PDE8B: variants seen among roughly 807,000 people sequenced by gnomAD.
PDE8B encodes phosphodiesterase 8B.
A neutral mutation model predicts 101.3 loss-of-function variants in PDE8B; 26 were observed. The ratio of observed to expected loss-of-function variants is 0.26; its 90% CI spans 0.19 to 0.36. The LOEUF (loss-of-function observed/expected upper bound fraction) is 0.36, where lower values mean the gene tolerates loss of function less well. Among genes scored for constraint, PDE8B ranks in the 10% least tolerant of loss-of-function variants. The probability of loss-of-function intolerance (pLI) is 1.00; values close to 1 mark genes in which losing one functional copy is unlikely to be tolerated. For synonymous variants in PDE8B, 424 were observed against 429.3 expected (o/e 0.99, Z 0.15); for missense variants, 810 against 1,163.1 (o/e 0.70, Z 4.42).
intron 1 of PDE8B, chr5:77,290,922 A>G (rs1767174076): frequency 1.9e-6 from 3 of 1,608,466 alleles, no homozygotes; most frequent in Non-Finnish European, 2.6e-6. Flanking sequence ...GCTTGGTGCA[A>G]TTTGTTCCTT....
At chr5:77,088,866 G>A in the PDE8B span, 1 of 152,220 alleles carries the variant, frequency 6.6e-6, no homozygotes, top group African/African-American at 2.4e-5. Flanking sequence ...CAGGCTTGAG[G>A]GTGGGGCCTT....
intron 10 of PDE8B, among the ~76,000 whole-genome samples, chr5:77,365,296 G>A (rs1295475369): frequency 1.3e-5 from 2 of 152,184 alleles, no homozygotes; most frequent in Non-Finnish European, 2.9e-5. Flanking sequence ...GGATTCTGAT[G>A]TACTGCTGAG....
At chr5:77,403,772 A>G (rs1243968477) in intron 11 of PDE8B, among the ~76,000 whole-genome samples, 1 of 151,966 alleles carries the variant, frequency 6.6e-6, no homozygotes, top group African/African-American at 2.4e-5. Context: ...TACTAGTTCA[A>G]TAGTTCCCCC....
intron 9 of PDE8B, among the ~76,000 whole-genome samples, chr5:77,352,856 C>G (rs922356567): frequency 6.6e-6 from 1 of 152,052 alleles, no homozygotes; most frequent in Non-Finnish European, 1.5e-5. Flanking sequence ...CAGTCCATGA[C>G]GTTGAAATGA....
rs137952315 is a variant in PDE8B at position 77,266,296 on chromosome 5, C to T, written c.340-45698C>T. 2.3e-3 allele frequency among the ~76,000 whole-genome samples: 343 copies of T among 152,320 alleles called. 2 individuals carry two copies. The highest frequency in any genetic ancestry group is 7.9e-3 in the African/African-American group (329 of 41,566). ...GAGATCGAACAAGGGGATGTTCTGCCTTCCTATTTTAGCTCTAATACTATA... is the reference window on the plus strand; with the variant it reads ...GAGATCGAACAAGGGGATGTTCTGCTTTCCTATTTTAGCTCTAATACTATA... On this transcript the variant is annotated intron_variant, in intron 1 of 21. Transcript: ENST00000264917.
At chr5:77,133,033 C>T in the PDE8B span, among the ~76,000 whole-genome samples, 4 of 152,170 alleles carry the variant, frequency 2.6e-5, no homozygotes, top group African/African-American at 9.7e-5. Context: ...ATGACTTTTC[C>T]TCTTTGGAGA....
chr5:77,351,813 A>G (rs1781171259), intron 9 of PDE8B, among the ~76,000 whole-genome samples: 1 of 152,124 alleles, frequency 6.6e-6, no homozygotes, highest in Non-Finnish European at 1.5e-5. Flanking sequence ...CCAGGTTCAT[A>G]GCTTGGGTGT....
chr5:77,106,480 G>A, the PDE8B span, among the ~76,000 whole-genome samples: 1 of 152,126 alleles, frequency 6.6e-6, no homozygotes, highest in African/African-American at 2.4e-5. Flanking sequence ...TCTATTTCTG[G>A]ACTGTCTCTG....
At chr5:77,410,763 T>C (rs968558918) in intron 14 of PDE8B, 3 of 152,248 alleles carry the variant, frequency 2.0e-5, no homozygotes, top group African/African-American at 7.2e-5. Flanking sequence ...AGGGGAGTCC[T>C]TCATTAATTA....
chr5:77,331,406 G>A lies in PDE8B; in HGVS notation c.655G>A (p.Asp219Asn). The change falls in exon 5 of 22, where the codon GAT (aspartate) becomes AAT (asparagine). Residue 219 changes from aspartate to asparagine, a missense_variant. Asp to Asn is a conservative substitution (Grantham distance 23). This residue lies in a region of PDE8B where 251 missense variants were observed against 378.8 expected (regional missense o/e 0.66). Coordinates refer to ENST00000264917, the MANE Select transcript of PDE8B (RefSeq NM_003719.5). ...VILAVVSRVS[D>N]DHEEASVLPL... ...ACATTTTCTGCTTTGCTGCAGATCG[G>A]ATGACCATGAAGAGGCGTCAGTCCT... 1.2e-6 allele frequency: 2 copies of A among 1,613,788 alleles called. No individual in the cohort carries two copies. The highest frequency in any genetic ancestry group is 1.7e-6 in the Non-Finnish European group (2 of 1,179,760).
At chr5:77,391,647 C>CT (rs1789953226) in intron 10 of PDE8B, among the ~76,000 whole-genome samples, 1 of 152,210 alleles carries the variant, frequency 6.6e-6, no homozygotes. Context: ...ACCTGCTGGC[C>CT]TTGGGCTTTA....
the PDE8B span, among the ~76,000 whole-genome samples, chr5:77,142,710 G>A: frequency 2.0e-5 from 3 of 151,922 alleles, no homozygotes; most frequent in Non-Finnish European, 4.4e-5. Flanking sequence ...CAAGCAGGAA[G>A]AATAAGCACA....
intron 10 of PDE8B, among the ~76,000 whole-genome samples, chr5:77,395,971 A>G (rs576790654): frequency 6.6e-6 from 1 of 152,376 alleles, no homozygotes; most frequent in Non-Finnish European, 1.5e-5. Context: ...CTGTTCCCTC[A>G]GGAATAACCT....
intron 11 of PDE8B, among the ~76,000 whole-genome samples, chr5:77,402,552 CATT>C (rs2151018390): frequency 6.6e-6 from 1 of 152,222 alleles, no homozygotes; most frequent in East Asian, 1.9e-4. Context: ...GTGTCTAAGA[CATT>C]ATAAAGTGAA....
At chr5:77,164,682 A>G in the PDE8B span, among the ~76,000 whole-genome samples, 1 of 152,210 alleles carries the variant, frequency 6.6e-6, no homozygotes, top group Admixed American at 6.5e-5. Context: ...CAGATTTCCC[A>G]GACTTGCATT....
At chr5:77,411,977 C>T in intron 15 of PDE8B, 123 bp from the exon 16 acceptor site, 2 of 995,830 alleles carry the variant, frequency 2.0e-6, no homozygotes, top group African/African-American at 3.2e-5. Context: ...TCTTGAAGTT[C>T]AATAACAGAA....
the PDE8B span, chr5:77,086,717 C>T: frequency 1.1e-4 from 16 of 152,200 alleles, no homozygotes; most frequent in African/African-American, 3.9e-4. Flanking sequence ...AAGTGGGCGA[C>T]ATCAAGCAAG....
At chr5:77,132,747 A>C in the PDE8B span, among the ~76,000 whole-genome samples, 1 of 152,076 alleles carries the variant, frequency 6.6e-6, no homozygotes, top group Non-Finnish European at 1.5e-5. Flanking sequence ...TATGTTTTCT[A>C]TCTTCCTCTG....
In PDE8B at chr5:77,211,279, C is replaced by G. The variant is rs764174475; in HGVS notation, c.339+15C>G. ...CCAGCGTGAAGGTAAATGCCCCGCGCTGGCACACGCCGTGGGGGCCGTCCG... is the reference window on the plus strand; with the variant it reads ...CCAGCGTGAAGGTAAATGCCCCGCGGTGGCACACGCCGTGGGGGCCGTCCG... On this transcript the variant is annotated intron_variant, in intron 1 of 21. Transcript: ENST00000264917. The surrounding 1 kb of genome is among the most constrained non-coding windows in gnomAD (Gnocchi z 4.1). The G allele has an allele frequency of 2.8e-5, 44 of 1,544,442 alleles. No individual in the cohort carries two copies. In the African/African-American group the frequency reaches 4.6e-4, roughly 16 times the overall value.
Sources: gnomAD v4.1 joint callset for allele counts (sites outside exome capture counted in the v4.1 genomes callset) on GRCh38, gnomAD v4.1.1 for gene constraint, gnomAD v4.1.1 regional missense constraint, Gnocchi (gnomAD v3.1) non-coding constraint, MANE v1.5 for transcripts, NCBI Gene and HGNC (gene_info 2026-07-23, HGNC 2026-07-21) for gene names.